KANSL2: variants seen among roughly 807,000 people sequenced by gnomAD.
KANSL2 encodes the protein NSL complex protein NSL2.
Under a neutral mutation model 55.6 loss-of-function variants are expected in KANSL2, and 34 were observed. The observed-to-expected ratio is 0.61, with a 90% confidence interval of 0.46 to 0.81. The LOEUF (loss-of-function observed/expected upper bound fraction) is 0.81. Among genes scored for constraint, KANSL2 ranks in the 40% least tolerant of loss-of-function variants. KANSL2 has a pLI of 0.00. For missense variants in KANSL2, 502 were observed against 609.9 expected, an observed-to-expected ratio of 0.82 and a Z score of 1.86; for synonymous variants, 209 against 214.3, an observed-to-expected ratio of 0.98 and a Z score of 0.22.
chr12:48,674,888 C>T (rs1049597819), intron 4 of KANSL2, among the ~76,000 whole-genome samples: 2 of 150,768 alleles, frequency 1.3e-5, no homozygotes, highest in Non-Finnish European at 3.0e-5. Context: ...ATCGCACCAC[C>T]GCGCTCCAGC....
At position 48,682,219 on chromosome 12, in the gene KANSL2, G is replaced by GC. The variant is rs1565611464; in HGVS notation, c.-43dup. ...GCTGCGCTGCGCCGCACTCTGCCGC[G>GC]CCGCTCGCCCTTCTCTAGTGGCGCC... is the stretch of plus-strand genomic sequence containing the variant. On this transcript the variant is annotated 5_prime_UTR_variant, in exon 1 of 10. Coordinates refer to ENST00000420613, the MANE Select transcript of KANSL2 (RefSeq NM_017822.4). 1 of 645,754 alleles carries GC rather than the reference G, an allele frequency of 1.5e-6. No homozygotes were observed. The allele number at this position is 645,754 out of a possible 1,614,324, so 40.0% of individuals were successfully genotyped here.
In KANSL2 at chr12:48,679,841, G is replaced by C; in HGVS notation, c.252-8C>G. On this transcript the variant is annotated splice_region_variant and splice_polypyrimidine_tract_variant and intron_variant, in intron 2 of 9. Coordinates refer to ENST00000420613, the MANE Select transcript of KANSL2 (RefSeq NM_017822.4). The stretch of plus-strand genomic sequence containing the variant: ...TCAGCACAGAAGGACACCCTGAAGA[G>C]ACAAAACATTAATATTTTATAAGTT... 1 of 1,580,354 alleles carries C rather than the reference G, an allele frequency of 6.3e-7. No individual in the cohort carries two copies. Among genetic ancestry groups the C allele is most frequent in the Non-Finnish European group, 8.6e-7 (1 of 1,163,112 alleles).
intron 4 of KANSL2, among the ~76,000 whole-genome samples, chr12:48,676,631 C>T (rs367982163): frequency 1.3e-5 from 2 of 151,954 alleles, no homozygotes; most frequent in East Asian, 3.9e-4. Flanking sequence ...GCACTCCAGC[C>T]TGGGTGACAA....
intron 4 of KANSL2, among the ~76,000 whole-genome samples, chr12:48,673,907 C>CG (rs1939774536): frequency 6.7e-6 from 1 of 149,784 alleles, no homozygotes; most frequent in South Asian, 2.1e-4. Context: ...GCTGAGATGG[C>CG]GCCACTGCAC....
intron 8 of KANSL2, among the ~76,000 whole-genome samples, chr12:48,657,301 T>C (rs1232066684): frequency 1.3e-5 from 2 of 152,088 alleles, no homozygotes; most frequent in Non-Finnish European, 2.9e-5. Context: ...GGCACATACC[T>C]GTAGTCCCAG....
In KANSL2 at chr12:48,653,949, T is replaced by C. The variant is rs148918222; in HGVS notation, c.*95A>G. ...TCAATCCAGAAGAAAAACAAGGTAGTCTGGGTTGCCTGTGTTTTGTGAGAG... is the reference window on the plus strand; with the variant it reads ...TCAATCCAGAAGAAAAACAAGGTAGCCTGGGTTGCCTGTGTTTTGTGAGAG... On this transcript the variant is annotated 3_prime_UTR_variant, in exon 10 of 10. Coordinates refer to ENST00000420613, the MANE Select transcript of KANSL2 (RefSeq NM_017822.4). The C allele has an allele frequency of 5.7e-5, 74 of 1,303,428 alleles. No individual in the cohort carries two copies. Among genetic ancestry groups the C allele is most frequent in the Non-Finnish European group, 7.5e-5 (72 of 966,428 alleles). The allele number at this position is 1,303,428 out of a possible 1,614,324, so 80.7% of individuals were successfully genotyped here.
chr12:48,654,806 G>A (rs1368358479), intron 9 of KANSL2, 135 bp downstream of exon 9: 1 of 868,538 alleles, frequency 1.2e-6, no homozygotes, highest in Non-Finnish European at 1.8e-6. Flanking sequence ...TTCAATAAGT[G>A]AGAGACATGT....
chr12:48,664,261 C>T (rs1356009642), intron 7 of KANSL2, among the ~76,000 whole-genome samples: 1 of 143,596 alleles, frequency 7.0e-6, no homozygotes, highest in Admixed American at 7.3e-5. Flanking sequence ...TAGCCTCTGC[C>T]CAATTATGTT....
chr12:48,661,188 T>A (rs1939480306), intron 7 of KANSL2: 1 of 918,022 alleles, frequency 1.1e-6, no homozygotes. Context: ...AAATTAAATA[T>A]ACATGCCTTT....
chr12:48,660,764 A>C, intron 7 of KANSL2, 145 bp from the exon 8 acceptor site: 1 of 830,410 alleles, frequency 1.2e-6, no homozygotes, highest in Non-Finnish European at 1.8e-6. Flanking sequence ...AAATGCAGTT[A>C]GCAATTTTTA....
chr12:48,654,063 T>G lies in KANSL2; in HGVS notation c.1460A>C (p.Glu487Ala), dbSNP rs760333090. 6.3e-7 allele frequency: 1 copy of G among 1,597,572 alleles called. No individual in the cohort carries two copies. The highest frequency in any genetic ancestry group is 1.1e-5 in the South Asian group (1 of 87,614). Reference sequence around the variant, plus strand: ...AAACTATCAACTAATAGAAGTGGGTTCTGGCTTCCCATTTGCAGTAGCCAA... The same window carrying G: ...AAACTATCAACTAATAGAAGTGGGTGCTGGCTTCCCATTTGCAGTAGCCAA... ...SGLATANGKPEPTSIS is the reference protein window; with the variant it reads ...SGLATANGKPAPTSIS The change falls in exon 10 of 10, where the codon GAA becomes GCA. Residue 487 changes from glutamate to alanine, a missense_variant. Coordinates refer to ENST00000420613, the MANE Select transcript of KANSL2 (RefSeq NM_017822.4).
intron 4 of KANSL2, 73 bp from the exon 5 acceptor site, chr12:48,672,035 T>TGTCA: frequency 7.7e-7 from 1 of 1,298,474 alleles, no homozygotes; most frequent in Non-Finnish European, 1.0e-6. Context: ...AGAGTAGAGA[T>TGTCA]GTCAGACTAA....
chr12:48,679,153 G>A lies in KANSL2; in HGVS notation c.431-3C>T, dbSNP rs762526952. On this transcript the variant is annotated splice_region_variant and splice_polypyrimidine_tract_variant and intron_variant, in intron 3 of 9. Transcript: ENST00000420613. ...CCCATCACTCCAGCTGTCTTCATCT[G>A]AGGCAAGGAAGGGAGAGCAGCCATT... 5 of 1,607,236 alleles carry A rather than the reference G, an allele frequency of 3.1e-6. No homozygotes were observed. The highest frequency in any genetic ancestry group is 2.2e-5 in the East Asian group (1 of 44,830).
intron 7 of KANSL2, among the ~76,000 whole-genome samples, chr12:48,662,160 A>G (rs1287784071): frequency 1.3e-5 from 2 of 152,216 alleles, no homozygotes; most frequent in African/African-American, 4.8e-5. Flanking sequence ...GCTAGAATGC[A>G]GTGGCGTGAT....
intron 5 of KANSL2, among the ~76,000 whole-genome samples, chr12:48,669,854 A>C (rs1939676907): frequency 6.6e-6 from 1 of 152,000 alleles, no homozygotes; most frequent in South Asian, 2.1e-4. Context: ...AGTTCAACCC[A>C]CACATTTGTG....
chr12:48,676,370 T>C (rs1939821359), intron 4 of KANSL2, among the ~76,000 whole-genome samples: 1 of 152,066 alleles, frequency 6.6e-6, no homozygotes, highest in South Asian at 2.1e-4. Flanking sequence ...CCTCCCAAAG[T>C]GCTAGGATCA....
chr12:48,660,130 C>T (rs1425379944), intron 8 of KANSL2, among the ~76,000 whole-genome samples: 3 of 151,998 alleles, frequency 2.0e-5, no homozygotes, highest in East Asian at 3.8e-4. Flanking sequence ...TCAAAGAGTG[C>T]AATTTATAGT....
chr12:48,669,127 G>A lies in KANSL2; in HGVS notation c.855C>T (p.Ala285=), dbSNP rs1287553155. 1.3e-6 allele frequency: 2 copies of A among 1,548,862 alleles called. No homozygotes were observed. Among genetic ancestry groups the A allele is most frequent in the Admixed American group, 2.0e-5 (1 of 50,212 alleles). ...HRQLKERRML[A]TDGAAQQAHT... is the part of the protein sequence containing the mutation. ...TTACCTGTTGGGCAGCACCATCTGT[G>A]GCCAGCATTCTCCGTTCCTTCAACT... Residue 285 remains alanine, a synonymous_variant, in exon 6 of 10, where the codon GCC becomes GCT. Transcript: ENST00000420613.
At chr12:48,674,007 G>A (rs1213078148) in intron 4 of KANSL2, among the ~76,000 whole-genome samples, 1 of 152,032 alleles carries the variant, frequency 6.6e-6, no homozygotes, top group Non-Finnish European at 1.5e-5. Context: ...TAAAAATTTT[G>A]TTTCACTCAC....
Sources: gnomAD v4.1 joint callset for allele counts (sites outside exome capture counted in the v4.1 genomes callset) on GRCh38, gnomAD v4.1.1 for gene constraint, MANE v1.5 for transcripts, NCBI Gene and HGNC (gene_info 2026-07-23, HGNC 2026-07-21) for gene names.